MCTP1: variants seen among roughly 807,000 people sequenced by gnomAD.
The protein encoded by MCTP1 is multiple C2 and transmembrane domain-containing protein 1.
MCTP1 carries 69 observed loss-of-function variants against 120.6 expected under a neutral mutation model. The ratio of observed to expected loss-of-function variants is 0.57; its 90% CI spans 0.47 to 0.70. The LOEUF (loss-of-function observed/expected upper bound fraction) is 0.70, where lower values mean the gene tolerates loss of function less well. Ranked by LOEUF, MCTP1 falls within the 30% of genes least tolerant of loss-of-function variation. The probability of loss-of-function intolerance (pLI) is 0.00; values close to 1 mark genes in which losing one functional copy is unlikely to be tolerated. For missense variants in MCTP1, 1,203 were observed against 1,248.8 expected (o/e 0.96, Z 0.55); for synonymous variants, 529 against 493.1 (o/e 1.07, Z -0.96).
chr5:94,746,784 C>T (rs1766997313), intron 19 of MCTP1, among the ~76,000 whole-genome samples: 1 of 152,160 alleles, frequency 6.6e-6, no homozygotes, highest in South Asian at 2.1e-4. Context: ...ACATAAGAAA[C>T]TGTCTACATT....
intron 18 of MCTP1, among the ~76,000 whole-genome samples, 197 bp from the exon 19 acceptor site, chr5:94,779,360 A>G (rs939763631): frequency 3.9e-5 from 6 of 152,198 alleles, no homozygotes; most frequent in African/African-American, 1.4e-4. Context: ...AATCCCAGTT[A>G]GGAGAACCGG....
At chr5:95,074,795 T>A (rs529619758) in intron 1 of MCTP1, among the ~76,000 whole-genome samples, 1 of 152,322 alleles carries the variant, frequency 6.6e-6, no homozygotes, top group East Asian at 1.9e-4. Flanking sequence ...ACAAGGAAAT[T>A]AGGTCAAGCT....
intron 3 of MCTP1, among the ~76,000 whole-genome samples, chr5:94,945,933 G>C (rs1818798716): frequency 6.6e-6 from 1 of 152,214 alleles, no homozygotes; most frequent in African/African-American, 2.4e-5. Context: ...AGCAAGAGAA[G>C]AGTGCTGGAA....
At chr5:95,083,642 A>G (rs1334152839) in intron 1 of MCTP1, among the ~76,000 whole-genome samples, 2 of 152,140 alleles carry the variant, frequency 1.3e-5, no homozygotes, top group Non-Finnish European at 2.9e-5. Flanking sequence ...GTGGTCTAAA[A>G]CTTGTCTAAA....
intron 1 of MCTP1, among the ~76,000 whole-genome samples, chr5:95,170,555 G>C (rs566305938): frequency 2.0e-5 from 3 of 152,172 alleles, no homozygotes; most frequent in Non-Finnish European, 4.4e-5. Context: ...AAGTCTCTTT[G>C]TAAGTCTCTA....
intron 1 of MCTP1, among the ~76,000 whole-genome samples, chr5:95,207,397 G>A (rs1293694262): frequency 6.6e-6 from 1 of 152,086 alleles, no homozygotes; most frequent in African/African-American, 2.4e-5. Flanking sequence ...AACACATATA[G>A]GGAGCTGTGT....
At chr5:95,040,198 G>A (rs1250121380) in intron 1 of MCTP1, among the ~76,000 whole-genome samples, 2 of 152,138 alleles carry the variant, frequency 1.3e-5, no homozygotes, top group African/African-American at 4.8e-5. Context: ...CACTTTGGAA[G>A]GCCGTGGCAG....
intron 1 of MCTP1, among the ~76,000 whole-genome samples, chr5:95,198,221 G>A (rs1750611773): frequency 6.6e-6 from 1 of 151,930 alleles, no homozygotes; most frequent in Non-Finnish European, 1.5e-5. Context: ...TAGCATTTAT[G>A]GAAACTTTCT....
intron 1 of MCTP1, among the ~76,000 whole-genome samples, chr5:95,212,015 T>A (rs1005260138): frequency 2.9e-4 from 44 of 151,924 alleles, no homozygotes; most frequent in African/African-American, 9.4e-4. Context: ...ATAACCAAAA[T>A]CAGAGGAGAA....
intron 17 of MCTP1, among the ~76,000 whole-genome samples, chr5:94,838,988 T>C (rs983879340): frequency 2.6e-5 from 4 of 152,188 alleles, no homozygotes; most frequent in Admixed American, 1.3e-4. Context: ...TTCTTCCCAC[T>C]ATTAGTCCCA....
intron 1 of MCTP1, among the ~76,000 whole-genome samples, chr5:95,254,887 C>A (rs1757724152): frequency 6.6e-6 from 1 of 152,132 alleles, no homozygotes; most frequent in Admixed American, 6.5e-5. Flanking sequence ...CTATTGATAT[C>A]ACTCTTTTCA....
chr5:95,160,603 AT>A (rs1745617082), intron 1 of MCTP1, among the ~76,000 whole-genome samples: 1 of 152,228 alleles, frequency 6.6e-6, no homozygotes, highest in South Asian at 2.1e-4. Flanking sequence ...AAATAAACAA[AT>A]GGGATTGCAT....
intron 19 of MCTP1, among the ~76,000 whole-genome samples, chr5:94,742,764 A>G (rs1044695015): frequency 3.3e-5 from 5 of 152,212 alleles, no homozygotes; most frequent in African/African-American, 1.2e-4. Context: ...TAACTTGAGG[A>G]AGTAAAGTCT....
chr5:94,768,235 C>T (rs950272522), intron 19 of MCTP1, among the ~76,000 whole-genome samples: 2 of 152,086 alleles, frequency 1.3e-5, no homozygotes, highest in African/African-American at 2.4e-5. Flanking sequence ...CTCTATCTCA[C>T]CATACACAAA....
intron 1 of MCTP1, among the ~76,000 whole-genome samples, chr5:95,224,154 T>C (rs943472205): frequency 1.3e-5 from 2 of 152,102 alleles, no homozygotes; most frequent in African/African-American, 2.4e-5. Flanking sequence ...CACTCCACAA[T>C]CACAGTGGGC....
At chr5:95,215,385 T>C (rs1213792558) in intron 1 of MCTP1, among the ~76,000 whole-genome samples, 1 of 152,232 alleles carries the variant, frequency 6.6e-6, no homozygotes, top group East Asian at 1.9e-4. Flanking sequence ...TTTCCTTCCC[T>C]TTCTGTCTTC....
chr5:94,707,611 T>G, intron 22 of MCTP1, 44 bp from the exon 23 acceptor site: 1 of 1,450,454 alleles, frequency 6.9e-7, no homozygotes, highest in Non-Finnish European at 9.7e-7. Context: ...GGTGGCCACT[T>G]TCTGGCAAAG....
chr5:95,206,545 T>C (rs1002057430), intron 1 of MCTP1, among the ~76,000 whole-genome samples: 1 of 152,206 alleles, frequency 6.6e-6, no homozygotes, highest in African/African-American at 2.4e-5. Flanking sequence ...AGATTTTGTT[T>C]GTTTTTTTGA....
intron 2 of MCTP1, among the ~76,000 whole-genome samples, chr5:94,999,389 A>C (rs1311728478): frequency 1.3e-5 from 2 of 152,196 alleles, no homozygotes; most frequent in Non-Finnish European, 2.9e-5. Context: ...ATAGATGCTA[A>C]ATTAAATTAC....
Sources: gnomAD v4.1 joint callset for allele counts (sites outside exome capture counted in the v4.1 genomes callset) on GRCh38, gnomAD v4.1.1 for gene constraint, MANE v1.5 for transcripts, NCBI Gene and HGNC (gene_info 2026-07-23, HGNC 2026-07-21) for gene names.